The following SDK1 variants were observed in gnomAD, a reference collection of about 807,000 sequenced individuals.
The protein encoded by SDK1 is protein sidekick-1.
SDK1 carries 157 observed loss-of-function variants against 245.5 expected under a neutral mutation model. That is an observed-to-expected ratio of 0.64 (90% confidence interval 0.56 to 0.73). SDK1 has a LOEUF of 0.73. SDK1 is among the 30% of genes least tolerant of loss of function. SDK1 has a pLI of 0.00. For missense variants in SDK1, 3,583 were observed against 3,002.3 expected, an observed-to-expected ratio of 1.19 and a Z score of -4.52; for synonymous variants, 1,647 against 1,278.5, an observed-to-expected ratio of 1.29 and a Z score of -6.15.
At chr7:3,445,708 T>G (rs367870815) in intron 1 of SDK1, among the ~76,000 whole-genome samples, 2 of 152,186 alleles carry the variant, frequency 1.3e-5, no homozygotes, top group Admixed American at 6.5e-5. Flanking sequence ...CCACACTGTT[T>G]ATAACTGTCT....
chr7:3,987,722 C>G (rs772792568), intron 14 of SDK1, among the ~76,000 whole-genome samples: 1 of 151,894 alleles, frequency 6.6e-6, no homozygotes, highest in African/African-American at 2.4e-5. Flanking sequence ...GACGTGGTGT[C>G]AAGTGTTCAG....
intron 12 of SDK1, 86 bp downstream of exon 12, chr7:3,971,654 G>A (rs1782496489): frequency 9.8e-7 from 1 of 1,021,008 alleles, no homozygotes; most frequent in South Asian, 1.4e-5. Flanking sequence ...GGAAGAATTG[G>A]GGGAACTTTT....
At chr7:3,304,181 A>C (rs994053218) in intron 1 of SDK1, among the ~76,000 whole-genome samples, 5 of 152,230 alleles carry the variant, frequency 3.3e-5, no homozygotes, top group Admixed American at 1.3e-4. Flanking sequence ...TATGCCCTGG[A>C]GTTTCTTCTT....
At chr7:3,476,930 A>G (rs1036818056) in intron 1 of SDK1, among the ~76,000 whole-genome samples, 1 of 152,170 alleles carries the variant, frequency 6.6e-6, no homozygotes, top group Non-Finnish European at 1.5e-5. Flanking sequence ...CTGGTGAGGC[A>G]TGCAGGCCTA....
At chr7:3,826,296 A>G (rs931128244) in intron 5 of SDK1, among the ~76,000 whole-genome samples, 14 of 152,214 alleles carry the variant, frequency 9.2e-5, no homozygotes, top group African/African-American at 1.9e-4. Flanking sequence ...AGTGCTAATC[A>G]TGAAGGTTCC....
intron 7 of SDK1, among the ~76,000 whole-genome samples, chr7:3,957,807 G>T (rs1781390361): frequency 6.6e-6 from 1 of 152,216 alleles, no homozygotes; most frequent in African/African-American, 2.4e-5. Context: ...TATTTCTTCA[G>T]GCTTGGTCTG....
intron 5 of SDK1, among the ~76,000 whole-genome samples, chr7:3,903,939 T>C (rs1404309285): frequency 2.0e-5 from 3 of 152,120 alleles, no homozygotes; most frequent in African/African-American, 7.2e-5. Flanking sequence ...TCTCTGGCCA[T>C]GTAATCTTCG....
At chr7:3,639,718 GTATT>G (rs1782590873) in intron 3 of SDK1, among the ~76,000 whole-genome samples, 1 of 152,036 alleles carries the variant, frequency 6.6e-6, no homozygotes, top group African/African-American at 2.4e-5. Flanking sequence ...GCCTATGAAA[GTATT>G]TAGTCCTTTT....
At chr7:3,334,147 C>T (rs1780139537) in intron 1 of SDK1, among the ~76,000 whole-genome samples, 1 of 152,196 alleles carries the variant, frequency 6.6e-6, no homozygotes, top group Non-Finnish European at 1.5e-5. Flanking sequence ...TGTGGTTTTT[C>T]AGCTTTCCAG....
At chr7:3,608,045 G>A (rs1329929164) in intron 1 of SDK1, among the ~76,000 whole-genome samples, 1 of 152,208 alleles carries the variant, frequency 6.6e-6, no homozygotes, top group Non-Finnish European at 1.5e-5. Flanking sequence ...GCAGTCGTGA[G>A]AAAACTTCTG....
rs535801958 is a variant in SDK1 at position 3,329,037 on chromosome 7, G to T, written c.298+27153G>T. Among the ~76,000 whole-genome samples, 3 of 152,254 alleles carry T rather than the reference G, an allele frequency of 2.0e-5. No homozygotes were observed. The East Asian group carries it at 5.8e-4, about 29-fold the overall frequency. On this transcript the variant is annotated intron_variant, in intron 1 of 44. Transcript: ENST00000404826. ...AATGTAGTCTTTTACGATGTTCACCGATGCCGTTTATCCCCTCTCTTGCTA... is the reference window on the plus strand; with the variant it reads ...AATGTAGTCTTTTACGATGTTCACCTATGCCGTTTATCCCCTCTCTTGCTA...
intron 5 of SDK1, among the ~76,000 whole-genome samples, chr7:3,862,968 A>G (rs1212694783): frequency 6.6e-6 from 1 of 152,146 alleles, no homozygotes; most frequent in African/African-American, 2.4e-5. Flanking sequence ...CTGATCTGAC[A>G]GGAGGGGGAG....
At chr7:4,251,233 G>C (rs1220980722) in intron 44 of SDK1, among the ~76,000 whole-genome samples, 1 of 152,174 alleles carries the variant, frequency 6.6e-6, no homozygotes, top group Non-Finnish European at 1.5e-5. Context: ...ATCCCCAAGA[G>C]CACTCCCAAG....
chr7:3,642,002 C>T lies in SDK1; in HGVS notation c.610C>T (p.Gln204Ter). 6.2e-7 allele frequency: 1 copy of T among 1,614,036 alleles called. No individual in the cohort carries two copies. The change falls in exon 4 of 45, where the codon CAA becomes TAA. Residue 204 changes from glutamine to a stop codon, truncating the protein, a stop_gained. Coordinates refer to ENST00000404826, the MANE Select transcript of SDK1 (RefSeq NM_152744.4). LOFTEE classifies it high-confidence loss of function. ...MDTDQRKTVS[Q>*]GRAAILNLLP... is the part of the protein sequence containing the mutation. The stretch of plus-strand genomic sequence containing the variant: ...TACGGACCAGAGGAAAACAGTTTCT[C>T]AAGGACGTGCAGCGATTCTAAACCT...
At chr7:3,893,398 T>C (rs1781511417) in intron 5 of SDK1, among the ~76,000 whole-genome samples, 1 of 152,110 alleles carries the variant, frequency 6.6e-6, no homozygotes, top group South Asian at 2.1e-4. Flanking sequence ...AATGAGCTAC[T>C]GATAATATCA....
intron 8 of SDK1, 50 bp downstream of exon 8, chr7:3,959,064 A>C (rs1554290068): frequency 7.2e-7 from 1 of 1,385,948 alleles, no homozygotes; most frequent in South Asian, 1.2e-5. Context: ...GGAGGAAGGG[A>C]AACAACCTTT....
chr7:3,673,755 C>T (rs1435055130), intron 4 of SDK1, among the ~76,000 whole-genome samples: 1 of 152,144 alleles, frequency 6.6e-6, no homozygotes, highest in Non-Finnish European at 1.5e-5. Context: ...CTGGCATAGT[C>T]AGTTCATTAT....
At position 4,233,358 on chromosome 7, in the gene SDK1, G is replaced by C. The variant is rs765729913; in HGVS notation, c.5931G>C (p.Arg1977=). Residue 1977 remains arginine (R), a synonymous_variant, in exon 41 of 45, where the codon CGG becomes CGC. Transcript: ENST00000404826. ...KLRQGVTYEF[R]VVAVNEAGYG... is the part of the protein sequence containing the mutation. ...GGCAAGGAGTGACTTACGAGTTCCG[G>C]GTGGTGGCTGTGAATGAGGCGGGCT... 1.2e-6 allele frequency: 2 copies of C among 1,613,852 alleles called. No homozygotes were observed. Among genetic ancestry groups the C allele is most frequent in the South Asian group, 1.1e-5 (1 of 91,086 alleles).
At chr7:3,420,880 G>C (rs1583831836) in intron 1 of SDK1, among the ~76,000 whole-genome samples, 1 of 152,046 alleles carries the variant, frequency 6.6e-6, no homozygotes, top group Non-Finnish European at 1.5e-5. Flanking sequence ...ACATGCATTA[G>C]CTATTTATCC....
Sources: gnomAD v4.1 joint callset for allele counts (sites outside exome capture counted in the v4.1 genomes callset) on GRCh38, gnomAD v4.1.1 for gene constraint, MANE v1.5 for transcripts, NCBI Gene and HGNC (gene_info 2026-07-23, HGNC 2026-07-21) for gene names.